Variants in HCRTR2 observed in about 807,000 individuals in gnomAD.
The protein encoded by HCRTR2 is orexin receptor type 2.
In HCRTR2, 22 loss-of-function variants were observed where a neutral mutation model predicts 49.0. The ratio of observed to expected loss-of-function variants is 0.45; its 90% CI spans 0.32 to 0.64. The LOEUF (loss-of-function observed/expected upper bound fraction) is 0.64, where lower values mean the gene tolerates loss of function less well. Among genes scored for constraint, HCRTR2 ranks in the 30% least tolerant of loss-of-function variants. The probability of loss-of-function intolerance (pLI) is 0.04; values close to 1 mark genes in which losing one functional copy is unlikely to be tolerated. For missense variants in HCRTR2, 491 were observed against 559.4 expected (o/e 0.88, Z 1.23); for synonymous variants, 236 against 205.3 (o/e 1.15, Z -1.28).
At chr6:55,192,831 A>G (rs1292883326) in intron 1 of HCRTR2, among the ~76,000 whole-genome samples, 2 of 152,180 alleles carry the variant, frequency 1.3e-5, no homozygotes, top group East Asian at 3.8e-4. Context: ...GCTAAATGTT[A>G]TCTTTAGCAC....
chr6:55,173,372 A>C (rs1470428365), upstream of HCRTR2, among the ~76,000 whole-genome samples: 1 of 152,222 alleles, frequency 6.6e-6, no homozygotes, highest in Admixed American at 6.5e-5. Context: ...TTCTACTCTG[A>C]AGCTGAAGTT....
chr6:55,157,336 A>G (rs1050706479), intron 1 of HCRTR2, among the ~76,000 whole-genome samples: 5 of 152,260 alleles, frequency 3.3e-5, no homozygotes, highest in Admixed American at 1.3e-4. Context: ...AGTTTTATGT[A>G]CTGAAAAATA....
chr6:55,118,424 G>C (rs575906080), intron 1 of HCRTR2, among the ~76,000 whole-genome samples: 36 of 152,034 alleles, frequency 2.4e-4, no homozygotes, highest in Admixed American at 1.3e-3. Context: ...TCAGTAATGA[G>C]ATTGCTGGGT....
At chr6:55,143,744 G>GA (rs60429110) in intron 1 of HCRTR2, among the ~76,000 whole-genome samples, 43,480 of 151,946 alleles carry the variant, frequency 0.29, 6,925 homozygotes, top group Non-Finnish European at 0.36. Context: ...TTAATACATA[G>GA]AAAAATGAGG....
At chr6:55,221,744 C>G (rs1182981739) in intron 1 of HCRTR2, among the ~76,000 whole-genome samples, 1 of 149,986 alleles carries the variant, frequency 6.7e-6, no homozygotes, top group East Asian at 2.0e-4. Context: ...ACCTCAGAGG[C>G]AGAGCTTGCA....
At chr6:55,217,072 G>C (rs1765800428) in intron 1 of HCRTR2, among the ~76,000 whole-genome samples, 2 of 152,136 alleles carry the variant, frequency 1.3e-5, no homozygotes. Context: ...TGGAGTGGCT[G>C]AGGAATGATG....
chr6:55,232,887 A>G (rs544159531), intron 1 of HCRTR2, among the ~76,000 whole-genome samples: 1 of 152,216 alleles, frequency 6.6e-6, no homozygotes, highest in South Asian at 2.1e-4. Context: ...TCCGAAGTGC[A>G]TAAACTTTAC....
chr6:55,166,805 A>G (rs1764883740), intron 1 of HCRTR2, among the ~76,000 whole-genome samples: 1 of 152,144 alleles, frequency 6.6e-6, no homozygotes, highest in Admixed American at 6.5e-5. Flanking sequence ...CAATCCAAAT[A>G]TTCATCAACT....
At chr6:55,127,153 C>G (rs557650566) in intron 1 of HCRTR2, among the ~76,000 whole-genome samples, 2 of 152,236 alleles carry the variant, frequency 1.3e-5, no homozygotes, top group East Asian at 3.9e-4. Flanking sequence ...TCAGTGTCTG[C>G]CCAAACGGCC....
chr6:55,268,893 A>T (rs1423202833), intron 4 of HCRTR2, among the ~76,000 whole-genome samples: 5 of 151,916 alleles, frequency 3.3e-5, no homozygotes, highest in Non-Finnish European at 7.4e-5. Flanking sequence ...GATTGAGACC[A>T]TCCTAGCTAA....
At chr6:55,213,945 A>G (rs1450169572) in intron 1 of HCRTR2, among the ~76,000 whole-genome samples, 1 of 151,812 alleles carries the variant, frequency 6.6e-6, no homozygotes, top group Non-Finnish European at 1.5e-5. Flanking sequence ...CAAAGCAATT[A>G]TACAATATTA....
intron 1 of HCRTR2, among the ~76,000 whole-genome samples, chr6:55,196,676 C>A (rs770575977): frequency 6.6e-6 from 1 of 151,868 alleles, no homozygotes; most frequent in Non-Finnish European, 1.5e-5. Flanking sequence ...TAGGAACCAA[C>A]CTATATGATT....
At chr6:55,231,714 TG>T (rs1766118238) in intron 1 of HCRTR2, among the ~76,000 whole-genome samples, 1 of 152,208 alleles carries the variant, frequency 6.6e-6, no homozygotes, top group South Asian at 2.1e-4. Context: ...TGCAGACTTG[TG>T]AGGTGGTTAA....
chr6:55,195,078 A>T (rs1301711079), intron 1 of HCRTR2, among the ~76,000 whole-genome samples: 1 of 152,136 alleles, frequency 6.6e-6, no homozygotes, highest in African/African-American at 2.4e-5. Flanking sequence ...TAATTATCAG[A>T]TTATTTACTT....
chr6:55,201,054 G>C (rs1765504988), intron 1 of HCRTR2, among the ~76,000 whole-genome samples: 1 of 152,098 alleles, frequency 6.6e-6, no homozygotes, highest in African/African-American at 2.4e-5. Context: ...TAGAGAAAGA[G>C]TTAAGCTGAT....
chr6:55,263,928 A>G lies in HCRTR2; in HGVS notation c.762+106A>G, dbSNP rs753605015. On this transcript the variant is annotated intron_variant, in intron 4 of 6. Transcript: ENST00000370862. ...TGTGCTTTTTTTTTAGGATGCACTTATAAACAAAATTTAAGAATGCATTGA... is the reference window on the plus strand; with the variant it reads ...TGTGCTTTTTTTTTAGGATGCACTTGTAAACAAAATTTAAGAATGCATTGA... The G allele has an allele frequency of 3.3e-5, 24 of 732,954 alleles. 1 individual carries two copies. In the South Asian group the frequency reaches 3.3e-4, roughly 10 times the overall value. 45.4% of individuals were successfully genotyped at this position (732,954 alleles called of 1,614,324 possible). A position where few individuals can be genotyped will look rare whatever the true frequency, so the allele number is the denominator to read the frequency against.
At chr6:55,111,278 A>T (rs1393224158) in intron 1 of HCRTR2, among the ~76,000 whole-genome samples, 2 of 152,114 alleles carry the variant, frequency 1.3e-5, no homozygotes, top group Non-Finnish European at 2.9e-5. Context: ...AACAAGAACA[A>T]ACCAAACCCA....
chr6:55,253,134 A>T (rs1766584781), intron 2 of HCRTR2, among the ~76,000 whole-genome samples: 1 of 151,974 alleles, frequency 6.6e-6, no homozygotes, highest in South Asian at 2.1e-4. Context: ...TGCCTCTCCC[A>T]TAGAGAAACA....
chr6:55,130,938 C>T (rs747834865), intron 1 of HCRTR2, among the ~76,000 whole-genome samples: 1 of 151,770 alleles, frequency 6.6e-6, no homozygotes, highest in African/African-American at 2.4e-5. Context: ...TCATAACCAT[C>T]AGGATTTAAC....
Sources: gnomAD v4.1 joint callset for allele counts (sites outside exome capture counted in the v4.1 genomes callset) on GRCh38, gnomAD v4.1.1 for gene constraint, MANE v1.5 for transcripts, NCBI Gene and HGNC (gene_info 2026-07-23, HGNC 2026-07-21) for gene names.